AGO4: variants seen among roughly 807,000 people sequenced by gnomAD.
The protein encoded by AGO4 is protein argonaute-4.
In AGO4, 33 loss-of-function variants were observed where a neutral mutation model predicts 104.7. The observed-to-expected ratio is 0.32, with a 90% CI of 0.24 to 0.42. The LOEUF is 0.42. Among genes scored for constraint, AGO4 ranks in the 10% least tolerant of loss-of-function variants. AGO4 has a pLI of 1.00. For synonymous variants in AGO4, 331 were observed against 364.7 expected (o/e 0.91, Z 1.05); for missense variants, 711 against 1,083.4 (o/e 0.66, Z 4.83).
intron 15 of AGO4, among the ~76,000 whole-genome samples, chr1:35,847,946 A>G (rs931206910): frequency 8.5e-5 from 13 of 152,100 alleles, no homozygotes; most frequent in Non-Finnish European, 1.8e-4. Context: ...ATCAGGGTAT[A>G]ATTAGAATAT....
chr1:35,843,087 C>T (rs1291101935), intron 15 of AGO4, among the ~76,000 whole-genome samples: 2 of 151,686 alleles, frequency 1.3e-5, no homozygotes, highest in South Asian at 2.1e-4. Context: ...TTTTTGAGAC[C>T]GAGTTTTGCT....
intron 15 of AGO4, among the ~76,000 whole-genome samples, chr1:35,845,236 C>CTT (rs573313485): frequency 1.8e-5 from 1 of 56,460 alleles, no homozygotes; most frequent in Non-Finnish European, 3.7e-5. Context: ...TGTAATCAGG[C>CTT]TTTTTTTTTT....
At chr1:35,838,105 T>A (rs1644357353) in intron 13 of AGO4, among the ~76,000 whole-genome samples, 3 of 152,166 alleles carry the variant, frequency 2.0e-5, no homozygotes, top group Non-Finnish European at 4.4e-5. Context: ...CAGGCTGCAG[T>A]ACAGTGATGC....
In AGO4 at chr1:35,825,253, G is replaced by A. The variant is rs1643987964; in HGVS notation, c.307-60G>A. 2.6e-6 allele frequency: 4 copies of A among 1,551,380 alleles called. No homozygotes were observed. In the African/African-American group the frequency reaches 5.5e-5, roughly 21 times the overall value. ...GCATGTATCATACTGCATATTCTTG[G>A]GATCTTTCCCACAGCCATTGTAAAC... On this transcript the variant is annotated intron_variant, in intron 3 of 17. Transcript: ENST00000373210.
intron 1 of AGO4, among the ~76,000 whole-genome samples, chr1:35,814,922 G>T (rs1643642081): frequency 6.6e-6 from 1 of 152,104 alleles, no homozygotes; most frequent in African/African-American, 2.4e-5. Context: ...CTGTCGCCCA[G>T]GCTGGAGTGC....
At chr1:35,810,601 G>C (rs147842378) in intron 1 of AGO4, among the ~76,000 whole-genome samples, 3,721 of 152,248 alleles carry the variant, frequency 0.024, 66 homozygotes, top group Middle Eastern at 0.19. Context: ...CTGGGAGGTA[G>C]GCAGGGCAGG....
rs187925410 is a variant in AGO4, at chr1:35,820,682, G to A, written c.186-2180G>A. On this transcript the variant is annotated intron_variant, in intron 2 of 17. Coordinates refer to ENST00000373210, the MANE Select transcript of AGO4 (RefSeq NM_017629.4). ...CAAGAAAGTTTGATTTTTTTTTTTA[G>A]GATGAGAGAAATTAGAGCATATTTG... is the stretch of plus-strand genomic sequence containing the variant. Among the ~76,000 whole-genome samples, 31 of 151,816 alleles carry A rather than the reference G, an allele frequency of 2.0e-4. No individual in the cohort carries two copies. The East Asian group carries it at 5.6e-3, about 27-fold the overall frequency.
intron 11 of AGO4, 91 bp from the exon 12 acceptor site, chr1:35,833,899 A>G (rs954533660): frequency 2.6e-6 from 3 of 1,167,476 alleles, no homozygotes; most frequent in Non-Finnish European, 3.4e-6. Context: ...CTAAGAATTT[A>G]CAAAACTGAA....
rs1000336762 is a variant in AGO4, at chr1:35,808,794, C to G, written c.19+359C>G. Among the ~76,000 whole-genome samples the G allele has an allele frequency of 2.0e-5, 3 of 152,206 alleles. No homozygotes were observed. The highest frequency in any genetic ancestry group is 7.2e-5 in the African/African-American group (3 of 41,474). On this transcript the variant is annotated intron_variant, in intron 1 of 17. Transcript: ENST00000373210. The surrounding 1 kb of genome is among the most constrained non-coding windows in gnomAD (Gnocchi z 5.2). ...ATCCGCTACCCAGTGCGCGCGGAGG[C>G]CTGGCCCAGACCGGGAAAAGGGCCC...
intron 15 of AGO4, among the ~76,000 whole-genome samples, chr1:35,842,599 C>G (rs1161781208): frequency 6.6e-6 from 1 of 152,116 alleles, no homozygotes; most frequent in African/African-American, 2.4e-5. Context: ...GTCAGGAGTT[C>G]GAGGCCAGCC....
rs1643375519 is a variant in AGO4, at chr1:35,808,496, G to T, written c.19+61G>T. On this transcript the variant is annotated intron_variant, in intron 1 of 17. Coordinates refer to ENST00000373210, the MANE Select transcript of AGO4 (RefSeq NM_017629.4). The surrounding 1 kb of genome is among the most constrained non-coding windows in gnomAD (Gnocchi z 5.2). The stretch of plus-strand genomic sequence containing the variant: ...ACCCGGGACCCGGGGCGGGCGGCCG[G>T]GACTTTCGCTGCCCCGTCGCCTCGC... The T allele has an allele frequency of 5.9e-6, 7 of 1,177,036 alleles. No homozygotes were observed. In the Admixed American group the frequency reaches 2.7e-4, roughly 46 times the overall value. 72.9% of individuals were successfully genotyped at this position (1,177,036 alleles called of 1,614,324 possible). A position where few individuals can be genotyped will look rare whatever the true frequency, so the allele number is the denominator to read the frequency against.
At chr1:35,839,389 G>C (rs1644386744) in intron 13 of AGO4, among the ~76,000 whole-genome samples, 1 of 152,184 alleles carries the variant, frequency 6.6e-6, no homozygotes, top group Non-Finnish European at 1.5e-5. Flanking sequence ...AGACAATATA[G>C]TGTAGTGGCT....
chr1:35,808,287 C>T lies in AGO4; in HGVS notation c.-130C>T, dbSNP rs1470930603. 4.0e-5 allele frequency: 17 copies of T among 420,022 alleles called. No homozygotes were observed. The highest frequency in any genetic ancestry group is 4.8e-5 in the Non-Finnish European group (15 of 312,656). The allele number at this position is 420,022 out of a possible 1,614,324, so 26.0% of individuals were successfully genotyped here. A position where few individuals can be genotyped will look rare whatever the true frequency, so the allele number is the denominator to read the frequency against. On this transcript the variant is annotated 5_prime_UTR_variant, in exon 1 of 18. Coordinates refer to ENST00000373210, the MANE Select transcript of AGO4 (RefSeq NM_017629.4). The surrounding 1 kb of genome is among the most constrained non-coding windows in gnomAD (Gnocchi z 5.2). ...CCGCCGCCGCCCCCTGCCCAGCGCC[C>T]GCGTCTCCGCGGCGCCACCCCAGCG... is the stretch of plus-strand genomic sequence containing the variant.
In AGO4 at chr1:35,834,105, C is replaced by T; in HGVS notation, c.1495C>T (p.His499Tyr). Residue 499 changes from histidine (H) to tyrosine (Y), a missense_variant, in exon 12 of 18, where the codon CAT (histidine) becomes TAT (tyrosine). By Grantham distance (83) the His-to-Tyr change is moderately conservative. Around this residue, in one of 3 missense-constraint regions of AGO4, gnomAD observed 401 missense variants for 665.5 expected, o/e 0.60. Transcript: ENST00000373210. ...AGACAGTGTGGAGCCTATGTTTAAA[C>T]ATCTGAAAATGACTTATGTGGGCCT... ...GADSVEPMFK[H>Y]LKMTYVGLQL... The T allele has an allele frequency of 1.2e-6, 2 of 1,611,396 alleles. No individual in the cohort carries two copies. The highest frequency in any genetic ancestry group is 8.5e-7 in the Non-Finnish European group (1 of 1,178,964).
rs1487378185 is a variant in AGO4, at chr1:35,832,105, T to C, written c.1165T>C (p.Phe389Leu). 2 of 1,614,174 alleles carry C rather than the reference T, an allele frequency of 1.2e-6. No individual in the cohort carries two copies. The highest frequency in any genetic ancestry group is 1.3e-5 in the African/African-American group (1 of 75,044). The change falls in exon 10 of 18, where the codon TTT becomes CTT. Residue 389 changes from phenylalanine to leucine, a missense_variant. Phe to Leu is a conservative substitution (Grantham distance 22). Coordinates refer to ENST00000373210, the MANE Select transcript of AGO4 (RefSeq NM_017629.4). Reference protein sequence around the residue: ...VGGPDPYLKEFGIVVHNEMTE... With the variant: ...VGGPDPYLKELGIVVHNEMTE... ...TGGACCTGATCCATACCTTAAAGAATTTGGTATTGTTGTCCACAATGAAAT... is the reference window on the plus strand; with the variant it reads ...TGGACCTGATCCATACCTTAAAGAACTTGGTATTGTTGTCCACAATGAAAT...
chr1:35,823,210 G>A (rs1160685120), intron 3 of AGO4, among the ~76,000 whole-genome samples: 1 of 150,750 alleles, frequency 6.6e-6, no homozygotes, highest in African/African-American at 2.4e-5. Context: ...CTGTATGTGA[G>A]CAGAAACAAA....
At chr1:35,826,610 A>T in intron 6 of AGO4, 138 bp from the exon 7 acceptor site, 2 of 765,452 alleles carry the variant, frequency 2.6e-6, no homozygotes, top group Admixed American at 2.1e-5. Context: ...TTTTTTGCCT[A>T]TAACGATGAA....
At chr1:35,838,907 A>G (rs757889710) in intron 13 of AGO4, among the ~76,000 whole-genome samples, 54 of 151,430 alleles carry the variant, frequency 3.6e-4, no homozygotes, top group Non-Finnish European at 5.7e-4. Context: ...TTACGCAATC[A>G]TATCACAGTT....
In AGO4 at chr1:35,841,489, A is replaced by AT; in HGVS notation, c.2040+11dup. 6.2e-7 allele frequency: 1 copy of AT among 1,610,600 alleles called. No homozygotes were observed. On this transcript the variant is annotated intron_variant, in intron 14 of 17. Coordinates refer to ENST00000373210, the MANE Select transcript of AGO4 (RefSeq NM_017629.4). This position sits in a 1 kb window ranked among gnomAD's most constrained non-coding sequence, Gnocchi z 4.7. ...AGGGACAAATGAAACAGGTACTCTC[A>AT]TTATCCCTGTTGCCCTTCGGGGCCC...
Sources: gnomAD v4.1 joint callset for allele counts (sites outside exome capture counted in the v4.1 genomes callset) on GRCh38, gnomAD v4.1.1 for gene constraint, gnomAD v4.1.1 regional missense constraint, Gnocchi (gnomAD v3.1) non-coding constraint, MANE v1.5 for transcripts, NCBI Gene and HGNC (gene_info 2026-07-23, HGNC 2026-07-21) for gene names.